The following ACSM2B variants were observed in gnomAD, a reference collection of about 807,000 sequenced individuals.
The protein encoded by ACSM2B is acyl-coenzyme A synthetase ACSM2B, mitochondrial.
In ACSM2B, 58 loss-of-function variants were observed where a neutral mutation model predicts 78.6. The ratio of observed to expected loss-of-function variants is 0.74; its 90% CI spans 0.60 to 0.92. The LOEUF is 0.92. Among genes scored for constraint, ACSM2B ranks in the 40% least tolerant of loss-of-function variants. The pLI is 0.00. For missense variants in ACSM2B, 688 were observed against 711.2 expected (o/e 0.97, Z 0.37); for synonymous variants, 257 against 256.8 (o/e 1.00, Z -0.01).
chr16:20,561,730 A>G (rs1167028656), intron 2 of ACSM2B, among the ~76,000 whole-genome samples: 3 of 151,130 alleles, frequency 2.0e-5, no homozygotes. Flanking sequence ...TTTTATTACT[A>G]TACTTTAAGT....
intron 3 of ACSM2B, among the ~76,000 whole-genome samples, chr16:20,556,131 A>T (rs866894350): frequency 6.6e-6 from 1 of 151,972 alleles, no homozygotes; most frequent in East Asian, 1.9e-4. Context: ...GCTCTTAATG[A>T]TACTGAAATT....
Position 20,540,782 on chromosome 16 carries a change from T to C in ACSM2B, c.1510-9A>G, listed in dbSNP as rs116213315. On this transcript the variant is annotated splice_polypyrimidine_tract_variant and intron_variant, in intron 12 of 13. Coordinates refer to ENST00000329697, the MANE Select transcript of ACSM2B (RefSeq NM_001105069.2). ...ACAAATGCCTTCACCACCTGCAAAA[T>C]AGATGAAGGCCAAGAGATAAGGGAT... 17,063 of 1,613,080 alleles carry C rather than the reference T, an allele frequency of 0.011. 1,304 individuals carry two copies. In the African/African-American group the frequency reaches 0.18, roughly 17 times the overall value.
chr16:20,537,434 T>G (rs1458553593), intron 13 of ACSM2B, 72 bp from the exon 14 acceptor site: 14 of 1,549,832 alleles, frequency 9.0e-6, no homozygotes, highest in Non-Finnish European at 1.2e-5. Flanking sequence ...AGAACTGCTG[T>G]AGGGTGAGGG....
rs777866154 is a variant in ACSM2B, at chr16:20,537,279, G to C, written c.1713C>G (p.Ser571=). Residue 571 remains serine, a synonymous_variant, in exon 14 of 14, where the codon TCC becomes TCG. Transcript: ENST00000329697. ...CGCCTCACTGCGCACGGGCTTTTCC[G>C]GACATCTTCCACTCCTTGTCTCGAA... ...TKLRDKEWKM[S]GKARAQ is the part of the protein sequence containing the mutation. The C allele has an allele frequency of 6.2e-7, 1 of 1,614,002 alleles. No individual in the cohort carries two copies. The highest frequency in any genetic ancestry group is 1.1e-5 in the South Asian group (1 of 91,080).
intron 2 of ACSM2B, among the ~76,000 whole-genome samples, chr16:20,562,241 T>C (rs1300910759): frequency 6.6e-6 from 1 of 152,176 alleles, no homozygotes; most frequent in Non-Finnish European, 1.5e-5. Context: ...CCCATCATGA[T>C]GCACAAGGGT....
Position 20,559,386 on chromosome 16 carries a change from A to T in ACSM2B, c.239T>A (p.Met80Lys), listed in dbSNP as rs2015574240. 2 of 1,612,728 alleles carry T rather than the reference A, an allele frequency of 1.2e-6. No individual in the cohort carries two copies. Among genetic ancestry groups the T allele is most frequent in the African/African-American group, 1.3e-5 (1 of 74,836 alleles). Residue 80 changes from methionine (M) to lysine (K), a missense_variant, in exon 3 of 14, where the codon ATG becomes AAG. Transcript: ENST00000329697. The part of the protein sequence containing the change: ...WWVNGKGKEL[M>K]WNFRELSENS... The stretch of plus-strand genomic sequence containing the variant: ...TTCACTCAGTTCTCTGAAATTCCAC[A>T]TTAATTCCTTCCCCTTCCCATTCAC...
intron 13 of ACSM2B, among the ~76,000 whole-genome samples, chr16:20,538,465 G>T (rs909069027): frequency 3.3e-5 from 5 of 152,290 alleles, no homozygotes; most frequent in Middle Eastern, 3.4e-3. Flanking sequence ...GCCCCAAAGG[G>T]TAGATAGAGA....
At chr16:20,568,859 T>A (rs1158680577) in intron 1 of ACSM2B, among the ~76,000 whole-genome samples, 1 of 151,878 alleles carries the variant, frequency 6.6e-6, no homozygotes, top group Admixed American at 6.6e-5. Flanking sequence ...GGATCTTCTT[T>A]TGAGAATTGT....
chr16:20,564,679 T>A lies in ACSM2B; in HGVS notation c.167A>T (p.Asp56Val), dbSNP rs1490126180. Reference protein sequence around the residue: ...FASDVLDHWADMEKAGKRLPS... With the variant: ...FASDVLDHWAVMEKAGKRLPS... ...TTTCCATCCCATTACCTTCTCCATG[T>A]CAGCCCAGTGATCCAACACATCACT... Residue 56 changes from aspartate to valine, a missense_variant, in exon 2 of 14, where the codon GAC becomes GTC. Transcript: ENST00000329697. 1.9e-6 allele frequency: 3 copies of A among 1,613,610 alleles called. No individual in the cohort carries two copies. Among genetic ancestry groups the A allele is most frequent in the Non-Finnish European group, 2.5e-6 (3 of 1,179,792 alleles).
chr16:20,561,640 T>TTCCAATTC (rs1224150515), intron 2 of ACSM2B, among the ~76,000 whole-genome samples: 1 of 152,062 alleles, frequency 6.6e-6, no homozygotes, highest in African/African-American at 2.4e-5. Flanking sequence ...GCTCCTGCCC[T>TTCCAATTC]TCCAATTCTC....
chr16:20,558,870 G>A (rs2015554759), intron 3 of ACSM2B, among the ~76,000 whole-genome samples: 1 of 152,164 alleles, frequency 6.6e-6, no homozygotes, highest in African/African-American at 2.4e-5. Context: ...ACAAGCTGTG[G>A]GCAGGATTTG....
At chr16:20,555,600 G>T in intron 3 of ACSM2B, 124 bp from the exon 4 acceptor site, 1 of 1,493,058 alleles carries the variant, frequency 6.7e-7, no homozygotes, top group Non-Finnish European at 8.9e-7. Context: ...ATGACCAATG[G>T]AGAACGTCAA....
intron 1 of ACSM2B, among the ~76,000 whole-genome samples, chr16:20,566,442 T>C (rs1374803211): frequency 2.3e-5 from 3 of 127,986 alleles, no homozygotes; most frequent in Non-Finnish European, 3.2e-5. Flanking sequence ...TTATATTGTA[T>C]ATAACATATT....
At chr16:20,560,431 A>G (rs2015617271) in intron 2 of ACSM2B, among the ~76,000 whole-genome samples, 1 of 151,296 alleles carries the variant, frequency 6.6e-6, no homozygotes. Context: ...GCACCTTCTC[A>G]CTCTCTGTTT....
chr16:20,548,096 A>G lies in ACSM2B; in HGVS notation c.1064T>C (p.Leu355Pro), dbSNP rs200390240. The G allele has an allele frequency of 4.2e-5, 67 of 1,614,124 alleles. No homozygotes were observed. The highest frequency in any genetic ancestry group is 5.3e-5 in the Non-Finnish European group (62 of 1,179,944). ...CTGGCCATAGAATTCTCGGATGTCC[A>G]GTCCTGTCTGGGCCCTCCAGTTCTC... ...TLENWRAQTG[L>P]DIREFYGQTE... is the part of the protein sequence containing the mutation. Residue 355 changes from leucine to proline, a missense_variant, in exon 8 of 14, where the codon CTG (leucine) becomes CCG (proline). Leu to Pro is a moderately conservative substitution (Grantham distance 98, BLOSUM62 -3). Coordinates refer to ENST00000329697, the MANE Select transcript of ACSM2B (RefSeq NM_001105069.2).
intron 2 of ACSM2B, among the ~76,000 whole-genome samples, chr16:20,563,457 A>G (rs1209030923): frequency 6.6e-6 from 1 of 151,966 alleles, no homozygotes; most frequent in Non-Finnish European, 1.5e-5. Context: ...TAATGGTGTT[A>G]TTTGTGAATT....
intron 3 of ACSM2B, 108 bp from the exon 4 acceptor site, chr16:20,555,584 G>A: frequency 6.5e-7 from 1 of 1,543,458 alleles, no homozygotes; most frequent in Non-Finnish European, 8.7e-7. Flanking sequence ...AGAGGATGGG[G>A]AAGTAATGAC....
At position 20,566,098 on chromosome 16, in the gene ACSM2B, T is replaced by C. The variant is rs564561720; in HGVS notation, c.-8-1245A>G. 2.2e-3 allele frequency among the ~76,000 whole-genome samples: 292 copies of C among 132,002 alleles called. 1 individual carries two copies. The highest frequency in any genetic ancestry group is 6.0e-3 in the Admixed American group (80 of 13,274). The allele number at this position is 132,002 out of a possible 152,430, so 86.6% of individuals were successfully genotyped here. On this transcript the variant is annotated intron_variant, in intron 1 of 13. Transcript: ENST00000329697. Reference sequence around the variant, plus strand: ...TATATACTATGTATGTATTATATAGTATATATCGAAAAAATATAAAAATTC... The same window carrying C: ...TATATACTATGTATGTATTATATAGCATATATCGAAAAAATATAAAAATTC...
At position 20,536,512 on chromosome 16, in the gene ACSM2B, C is replaced by T. The variant is rs2014850312; in HGVS notation, c.*746G>A. ...CTGACAGTTTCAAGGTTTGGAGTGA[C>T]TTGCGGATGATTCTAATGTCCCAGC... On this transcript the variant is annotated 3_prime_UTR_variant, in exon 14 of 14. Transcript: ENST00000329697. The T allele has an allele frequency of 6.6e-6, 1 of 152,150 alleles. No homozygotes were observed. Among genetic ancestry groups the T allele is most frequent in the Non-Finnish European group, 1.5e-5 (1 of 68,048 alleles). 9.4% of individuals were successfully genotyped at this position (152,150 alleles called of 1,614,324 possible).
Sources: allele counts gnomAD v4.1 joint callset (sites outside exome capture counted in the v4.1 genomes callset), GRCh38; gene constraint gnomAD v4.1.1; transcripts MANE v1.5; gene names NCBI Gene and HGNC (gene_info 2026-07-23, HGNC 2026-07-21).